The following SH2D4B variants were observed in gnomAD, a reference collection of about 807,000 sequenced individuals.
SH2D4B encodes the protein SH2 domain-containing protein 4B.
Under a neutral mutation model 61.5 loss-of-function variants are expected in SH2D4B, and 45 were observed. The ratio of observed to expected loss-of-function variants is 0.73; its 90% confidence interval spans 0.58 to 0.94. The LOEUF is 0.94. Among genes scored for constraint, SH2D4B ranks in the 40% least tolerant of loss-of-function variants. The probability of loss-of-function intolerance (pLI) is 0.00; values close to 1 mark genes in which losing one functional copy is unlikely to be tolerated. For missense variants in SH2D4B, 572 were observed against 574.2 expected, an observed-to-expected ratio of 1.00 and a Z score of 0.04; for synonymous variants, 224 against 220.4, an observed-to-expected ratio of 1.02 and a Z score of -0.14.
At chr10:80,638,916 G>A (rs866628569) in intron 7 of SH2D4B, among the ~76,000 whole-genome samples, 17 of 152,060 alleles carry the variant, frequency 1.1e-4, no homozygotes, top group African/African-American at 3.9e-4. Context: ...TTCTCTTGTG[G>A]GCATTTAGTG....
chr10:80,643,726 C>T (rs1006903256), intron 7 of SH2D4B, among the ~76,000 whole-genome samples: 1 of 152,094 alleles, frequency 6.6e-6, no homozygotes, highest in South Asian at 2.1e-4. Context: ...ACTCCTCTGA[C>T]AAGCCCCTCC....
At position 80,605,936 on chromosome 10, in the gene SH2D4B, T is replaced by C. The variant is rs138961369; in HGVS notation, c.860+2141T>C. 2.0e-3 allele frequency among the ~76,000 whole-genome samples: 300 copies of C among 152,362 alleles called. 4 individuals are homozygous for C. The highest frequency in any genetic ancestry group is 7.0e-3 in the African/African-American group (293 of 41,580). ...CCATTTGATGGAGCCACATGGACCA[T>C]GGTGCAACCTGGCTCTGGGCTGGCT... On this transcript the variant is annotated intron_variant, in intron 5 of 7. Coordinates refer to ENST00000646907, the MANE Select transcript of SH2D4B (RefSeq NM_001388272.1).
intron 1 of SH2D4B, among the ~76,000 whole-genome samples, chr10:80,547,251 A>G (rs752941014): frequency 1.3e-5 from 2 of 152,234 alleles, no homozygotes; most frequent in Non-Finnish European, 2.9e-5. Flanking sequence ...CACTGAAGTC[A>G]CTAAACACCA....
chr10:80,632,856 G>A (rs547523086), intron 6 of SH2D4B, among the ~76,000 whole-genome samples: 14 of 151,060 alleles, frequency 9.3e-5, no homozygotes, highest in South Asian at 4.2e-4. Flanking sequence ...GTCCTGTGGC[G>A]AAAGGGCTCC....
rs1468067972 is a variant in SH2D4B, at chr10:80,644,185, A to G, written c.*100A>G. On this transcript the variant is annotated 3_prime_UTR_variant, in exon 8 of 8. Transcript: ENST00000646907. ...CCTATGGCCTTCTGGAAGATCCACC[A>G]CTATCCAAAGGAAAAAGTAGATTAA... 1 of 931,110 alleles carries G rather than the reference A, an allele frequency of 1.1e-6. No individual in the cohort carries two copies. 57.7% of individuals were successfully genotyped at this position (931,110 alleles called of 1,614,324 possible).
chr10:80,641,506 G>A (rs899712841), intron 7 of SH2D4B, among the ~76,000 whole-genome samples: 6 of 152,262 alleles, frequency 3.9e-5, no homozygotes, highest in Admixed American at 6.5e-5. Context: ...AATGGCAGAC[G>A]CCTGAGGGAG....
At chr10:80,635,046 G>A (rs533645985) in intron 7 of SH2D4B, among the ~76,000 whole-genome samples, 2 of 152,314 alleles carry the variant, frequency 1.3e-5, no homozygotes, top group Non-Finnish European at 2.9e-5. Flanking sequence ...AAACGTCAGC[G>A]TCCTAGCCAG....
chr10:80,538,560 G>A lies in SH2D4B; in HGVS notation c.184+45G>A, dbSNP rs1383899657. 7.6e-7 allele frequency: 1 copy of A among 1,316,318 alleles called. No homozygotes were observed. The highest frequency in any genetic ancestry group is 9.8e-7 in the Non-Finnish European group (1 of 1,023,514). The allele number at this position is 1,316,318 out of a possible 1,614,324, so 81.5% of individuals were successfully genotyped here. A position where few individuals can be genotyped will look rare whatever the true frequency, so the allele number is the denominator to read the frequency against. On this transcript the variant is annotated intron_variant, in intron 1 of 7. Transcript: ENST00000646907. The surrounding 1 kb of genome is among the most constrained non-coding windows in gnomAD (Gnocchi z 4.8). ...AGAGAGGTAGGCCACCAGTCCCCCA[G>A]GAGGTAGAAAAATTAGCAGGGCCAG... is the stretch of plus-strand genomic sequence containing the variant.
rs77983942 is a variant in SH2D4B, at chr10:80,571,540, G to T, written c.457G>T (p.Ala153Ser). ...WKVEMEDRKA[A>S]KVLEERIHEE... is the part of the protein sequence containing the mutation. ...AGTGGAGATGGAAGACCGCAAGGCT[G>T]CCAAAGTCCTGGAGGAACGCATCCA... The change falls in exon 3 of 8, where the codon GCC becomes TCC. Residue 153 changes from alanine (A) to serine (S), a missense_variant. By Grantham distance (99) the Ala-to-Ser change is moderately conservative. Transcript: ENST00000646907. 1.8e-3 allele frequency: 2,938 copies of T among 1,614,026 alleles called. 58 individuals are homozygous for T. The African/African-American group carries it at 0.035, about 19-fold the overall frequency.
intron 4 of SH2D4B, among the ~76,000 whole-genome samples, chr10:80,592,015 G>A (rs954069173): frequency 6.6e-6 from 1 of 152,106 alleles, no homozygotes; most frequent in Admixed American, 6.5e-5. Context: ...CAATGTATGA[G>A]GGATCTAATT....
intron 1 of SH2D4B, among the ~76,000 whole-genome samples, chr10:80,560,397 T>G (rs1841889705): frequency 6.6e-6 from 1 of 151,630 alleles, no homozygotes; most frequent in Non-Finnish European, 1.5e-5. Flanking sequence ...AGACAGAGTC[T>G]TGTTTTGTCA....
intron 6 of SH2D4B, among the ~76,000 whole-genome samples, chr10:80,616,829 T>TA (rs1161357221): frequency 6.6e-6 from 1 of 152,258 alleles, no homozygotes; most frequent in East Asian, 1.9e-4. Context: ...GTATTTCACT[T>TA]ACTTCCCAAA....
intron 1 of SH2D4B, among the ~76,000 whole-genome samples, chr10:80,540,108 T>C (rs1446187298): frequency 6.6e-6 from 1 of 152,238 alleles, no homozygotes; most frequent in Non-Finnish European, 1.5e-5. Flanking sequence ...TACATTTTCA[T>C]GTATAAATTA....
intron 4 of SH2D4B, among the ~76,000 whole-genome samples, chr10:80,597,123 C>G (rs564245801): frequency 6.6e-6 from 1 of 152,160 alleles, no homozygotes; most frequent in African/African-American, 2.4e-5. Context: ...ATCCCTACAC[C>G]ATTTTATAAA....
At chr10:80,605,963 T>C (rs1028579754) in intron 5 of SH2D4B, among the ~76,000 whole-genome samples, 2 of 152,216 alleles carry the variant, frequency 1.3e-5, no homozygotes, top group African/African-American at 4.8e-5. Flanking sequence ...GGGCTGGCTT[T>C]GTGCAGCCAA....
At chr10:80,605,295 T>C (rs571168610) in intron 5 of SH2D4B, among the ~76,000 whole-genome samples, 5 of 152,102 alleles carry the variant, frequency 3.3e-5, no homozygotes, top group African/African-American at 1.2e-4. Context: ...GCTTTTTTTT[T>C]AACAGGTGCA....
At chr10:80,609,296 C>G in intron 5 of SH2D4B, 128 bp from the exon 6 acceptor site, 72 of 403,606 alleles carry the variant, frequency 1.8e-4, no homozygotes, top group East Asian at 3.3e-4. Flanking sequence ...GCCCCTTCTT[C>G]CACCCCCCCT....
In SH2D4B at chr10:80,644,356, C is replaced by T; in HGVS notation, c.*271C>T. 2.7e-6 allele frequency: 1 copy of T among 374,338 alleles called. No homozygotes were observed. The allele number at this position is 374,338 out of a possible 1,614,324, so 23.2% of individuals were successfully genotyped here. ...AGACAAAGCCTGTTTGTCATGGCTGCCGTAAACCGAGCTCTTACAGTGCGT... is the reference window on the plus strand; with the variant it reads ...AGACAAAGCCTGTTTGTCATGGCTGTCGTAAACCGAGCTCTTACAGTGCGT... On this transcript the variant is annotated 3_prime_UTR_variant, in exon 8 of 8. Transcript: ENST00000646907.
intron 3 of SH2D4B, among the ~76,000 whole-genome samples, chr10:80,584,809 T>C (rs189470507): frequency 1.2e-4 from 19 of 152,168 alleles, no homozygotes; most frequent in Middle Eastern, 3.4e-3. Flanking sequence ...GTGGGAAATA[T>C]AAGTGCTAAA....
Sources: gnomAD v4.1 joint callset for allele counts (sites outside exome capture counted in the v4.1 genomes callset) on GRCh38, gnomAD v4.1.1 for gene constraint, Gnocchi (gnomAD v3.1) non-coding constraint, MANE v1.5 for transcripts, NCBI Gene and HGNC (gene_info 2026-07-23, HGNC 2026-07-21) for gene names.